RIPK2: variants seen among roughly 807,000 people sequenced by gnomAD.
The protein encoded by RIPK2 is receptor interacting serine/threonine kinase 2.
A neutral mutation model predicts 60.9 loss-of-function variants in RIPK2; 38 were observed. The ratio of observed to expected loss-of-function variants is 0.62; its 90% confidence interval spans 0.48 to 0.82. RIPK2 has a LOEUF of 0.82. RIPK2 is among the 40% of genes least tolerant of loss of function. The pLI is 0.00. For missense variants in RIPK2, 518 were observed against 647.0 expected, an observed-to-expected ratio of 0.80 and a Z score of 2.16; for synonymous variants, 225 against 223.4, an observed-to-expected ratio of 1.01 and a Z score of -0.06.
At chr8:89,776,424 T>G (rs1330180684) in intron 6 of RIPK2, among the ~76,000 whole-genome samples, 1 of 152,258 alleles carries the variant, frequency 6.6e-6, no homozygotes, top group Non-Finnish European at 1.5e-5. Flanking sequence ...TAATATCTAT[T>G]AGCATTTACT....
chr8:89,775,239 A>T (rs545436930), intron 6 of RIPK2, among the ~76,000 whole-genome samples: 8 of 152,086 alleles, frequency 5.3e-5, no homozygotes, highest in Non-Finnish European at 1.2e-4. Flanking sequence ...GGAGTTCCAG[A>T]CCAGCCTAGG....
intron 5 of RIPK2, 109 bp downstream of exon 5, chr8:89,771,899 A>T (rs1012731704): frequency 4.8e-5 from 36 of 753,820 alleles, no homozygotes; most frequent in Non-Finnish European, 8.0e-5. Context: ...TTTTGTGGAA[A>T]ACACACTAAA....
At chr8:89,772,519 G>A (rs1586124210) in intron 5 of RIPK2, 148 bp from the exon 6 acceptor site, 1 of 573,452 alleles carries the variant, frequency 1.7e-6, no homozygotes, top group Non-Finnish European at 3.0e-6. Flanking sequence ...ATGGTTTGGG[G>A]TATATATATT....
chr8:89,783,979 T>C, intron 7 of RIPK2, 71 bp from the exon 8 acceptor site: 2 of 803,640 alleles, frequency 2.5e-6, no homozygotes, highest in Non-Finnish European at 2.0e-6. Context: ...ATGTGTTAGA[T>C]TGTATTTTAC....
intron 4 of RIPK2, among the ~76,000 whole-genome samples, chr8:89,770,177 A>G (rs1208986452): frequency 1.3e-5 from 2 of 151,914 alleles, no homozygotes; most frequent in African/African-American, 4.8e-5. Flanking sequence ...AATTTATAAT[A>G]TAATAGTTAA....
intron 6 of RIPK2, among the ~76,000 whole-genome samples, chr8:89,774,340 A>G (rs1030211494): frequency 6.6e-5 from 10 of 152,214 alleles, no homozygotes; most frequent in Admixed American, 2.6e-4. Context: ...TAAAACTGCA[A>G]TGAGTTACCA....
chr8:89,776,103 C>CTT (rs987063933), intron 6 of RIPK2, among the ~76,000 whole-genome samples: 3 of 152,106 alleles, frequency 2.0e-5, no homozygotes, highest in African/African-American at 7.2e-5. Flanking sequence ...TGTATGCATT[C>CTT]TTTAGGCAAG....
Position 89,757,867 on chromosome 8 carries a change from T to G in RIPK2, c.-194T>G, listed in dbSNP as rs1170977320. Reference sequence around the variant, plus strand: ...CAGTCTCTAGAAAAGAAGTCAGCTCTGGTTCGGAGAAGCAGCGGCTGGCGT... The same window carrying G: ...CAGTCTCTAGAAAAGAAGTCAGCTCGGGTTCGGAGAAGCAGCGGCTGGCGT... On this transcript the variant is annotated 5_prime_UTR_variant, in exon 1 of 11. Coordinates refer to ENST00000220751, the MANE Select transcript of RIPK2 (RefSeq NM_003821.6). The G allele has an allele frequency of 2.9e-6, 4 of 1,362,560 alleles. No homozygotes were observed. The African/African-American group carries it at 6.1e-5, about 21-fold the overall frequency. 84.4% of individuals were successfully genotyped at this position (1,362,560 alleles called of 1,614,324 possible).
chr8:89,763,689 T>C (rs964355811), intron 2 of RIPK2, among the ~76,000 whole-genome samples: 5 of 152,300 alleles, frequency 3.3e-5, no homozygotes, highest in East Asian at 3.9e-4. Flanking sequence ...TCATAAATGA[T>C]AGTGTAACAC....
At chr8:89,785,117 G>A (rs1809563817) in intron 8 of RIPK2, among the ~76,000 whole-genome samples, 1 of 152,140 alleles carries the variant, frequency 6.6e-6, no homozygotes, top group African/African-American at 2.4e-5. Flanking sequence ...GAGATTTAGT[G>A]GGGACAAACA....
chr8:89,789,170 A>G, intron 9 of RIPK2, 151 bp from the exon 10 acceptor site: 1 of 596,026 alleles, frequency 1.7e-6, no homozygotes, highest in Non-Finnish European at 2.9e-6. Context: ...AGAAATATCT[A>G]CTTGCAGAAT....
At chr8:89,765,611 T>G in intron 3 of RIPK2, 115 bp downstream of exon 3, 1 of 581,800 alleles carries the variant, frequency 1.7e-6, no homozygotes, top group Non-Finnish European at 2.9e-6. Flanking sequence ...TAGAGACTAA[T>G]GAATAGTAAT....
intron 10 of RIPK2, 118 bp downstream of exon 10, chr8:89,789,600 C>A: frequency 1.1e-6 from 1 of 934,582 alleles, no homozygotes; most frequent in Non-Finnish European, 1.6e-6. Flanking sequence ...TAAATACATA[C>A]CTTCTTAAGT....
intron 3 of RIPK2, among the ~76,000 whole-genome samples, chr8:89,769,051 G>A (rs1470917718): frequency 6.6e-6 from 1 of 151,592 alleles, no homozygotes; most frequent in African/African-American, 2.4e-5. Flanking sequence ...AAATAAGGAA[G>A]CTTTTAAATA....
At position 89,757,817 on chromosome 8, in the gene RIPK2, T is replaced by C. The variant is rs1048417275; in HGVS notation, c.-244T>C. On this transcript the variant is annotated 5_prime_UTR_variant, in exon 1 of 11. Transcript: ENST00000220751. ...GCCGGGGCTGCGAGAGAGGAAGCTC[T>C]TTCGCGGCGCTACGGCGTTGGCACC... 32 of 1,250,114 alleles carry C rather than the reference T, an allele frequency of 2.6e-5. No individual in the cohort carries two copies. In the African/African-American group the frequency reaches 4.5e-4, roughly 18 times the overall value. 77.4% of individuals were successfully genotyped at this position (1,250,114 alleles called of 1,614,324 possible).
At chr8:89,760,555 T>C (rs913751950) in intron 1 of RIPK2, among the ~76,000 whole-genome samples, 1 of 152,228 alleles carries the variant, frequency 6.6e-6, no homozygotes, top group Admixed American at 6.5e-5. Context: ...TCAAGAACTT[T>C]CCTACTATAT....
At chr8:89,759,190 G>T in intron 1 of RIPK2, 1 of 402,602 alleles carries the variant, frequency 2.5e-6, no homozygotes. Flanking sequence ...TTCACTTATT[G>T]GTTTGTACAG....
chr8:89,758,293 C>G (rs1273736315), intron 1 of RIPK2, 60 bp downstream of exon 1: 2 of 1,485,764 alleles, frequency 1.3e-6, no homozygotes, highest in Non-Finnish European at 1.8e-6. Context: ...CTCAAGCCCC[C>G]TGACAAGCGG....
rs1809667415 is a variant in RIPK2, at chr8:89,790,945, A to G, written c.*529A>G. On this transcript the variant is annotated 3_prime_UTR_variant, in exon 11 of 11. Transcript: ENST00000220751. Reference sequence around the variant, plus strand: ...AAAAATGATATTTCAAAGGTAAAACAATACAATATAAAGAAAAAAATAAAT... The same window carrying G: ...AAAAATGATATTTCAAAGGTAAAACGATACAATATAAAGAAAAAAATAAAT... 7.3e-6 allele frequency: 1 copy of G among 136,182 alleles called. No homozygotes were observed. The highest frequency in any genetic ancestry group is 3.6e-5 in the African/African-American group (1 of 27,462). 8.4% of individuals were successfully genotyped at this position (136,182 alleles called of 1,614,324 possible). A position where few individuals can be genotyped will look rare whatever the true frequency, so the allele number is the denominator to read the frequency against.
Sources: allele counts gnomAD v4.1 joint callset (sites outside exome capture counted in the v4.1 genomes callset), GRCh38; gene constraint gnomAD v4.1.1; transcripts MANE v1.5; gene names NCBI Gene and HGNC (gene_info 2026-07-23, HGNC 2026-07-21).